Variants in MYH15 observed in about 807,000 individuals in gnomAD.
MYH15 encodes myosin-15.
MYH15 carries 227 observed loss-of-function variants against 240.5 expected under a neutral mutation model. The observed-to-expected ratio is 0.94, with a 90% CI of 0.85 to 1.05. MYH15 has a LOEUF of 1.05. Ranked by LOEUF, MYH15 falls within the 50% of genes least tolerant of loss-of-function variation. The pLI is 0.00. For synonymous variants in MYH15, 785 were observed against 796.7 expected (o/e 0.99, Z 0.25); for missense variants, 2,217 against 2,247.5 (o/e 0.99, Z 0.27).
intron 37 of MYH15, 39 bp from the exon 38 acceptor site, chr3:108,389,113 C>T: frequency 6.5e-7 from 1 of 1,544,156 alleles, no homozygotes; most frequent in Non-Finnish European, 8.9e-7. Context: ...ACGCTGCCAC[C>T]AAGTCTGGCA....
chr3:108,528,107 T>C (rs1240395719), intron 1 of MYH15, among the ~76,000 whole-genome samples: 1 of 152,168 alleles, frequency 6.6e-6, no homozygotes, highest in Admixed American at 6.6e-5. Flanking sequence ...CGCCTCTTAA[T>C]ACTGTAACAA....
At chr3:108,459,087 G>A (rs2083049235) in intron 18 of MYH15, among the ~76,000 whole-genome samples, 1 of 152,106 alleles carries the variant, frequency 6.6e-6, no homozygotes, top group Admixed American at 6.5e-5. Context: ...GCTCACTCAT[G>A]TTCAGCATAA....
At chr3:108,533,118 CTT>C (rs10561890), upstream of MYH15, among the ~76,000 whole-genome samples, 2,940 of 97,584 alleles carry the variant, frequency 0.03, 49 homozygotes, top group African/African-American at 0.083. Context: ...ACAATAAAAG[CTT>C]TTTTTTTTTT....
intron 1 of MYH15, among the ~76,000 whole-genome samples, chr3:108,518,967 T>C (rs1345360157): frequency 6.6e-6 from 1 of 152,158 alleles, no homozygotes; most frequent in Non-Finnish European, 1.5e-5. Context: ...AAGACTCTAG[T>C]TCTTTGGGTA....
chr3:108,423,382 A>C (rs1237993881), intron 27 of MYH15, among the ~76,000 whole-genome samples: 1 of 152,216 alleles, frequency 6.6e-6, no homozygotes, highest in African/African-American at 2.4e-5. Flanking sequence ...CAGCACACCC[A>C]AGCTTGGTAG....
At chr3:108,535,388 C>T in the MYH15 span, among the ~76,000 whole-genome samples, 1 of 152,104 alleles carries the variant, frequency 6.6e-6, no homozygotes, top group Non-Finnish European at 1.5e-5. Context: ...CTCACTGTGT[C>T]CTCATGTGGT....
At chr3:108,389,169 C>G in intron 37 of MYH15, 95 bp from the exon 38 acceptor site, 1 of 1,095,338 alleles carries the variant, frequency 9.1e-7, no homozygotes. Flanking sequence ...AGCAAAGTGT[C>G]AAGGGAACAT....
chr3:108,410,527 AG>A, intron 31 of MYH15, 55 bp downstream of exon 31: 1 of 1,302,508 alleles, frequency 7.7e-7, no homozygotes, highest in Non-Finnish European at 1.1e-6. Flanking sequence ...GCCTGTAGCC[AG>A]GGCTCTTCCT....
At chr3:108,463,003 A>C (rs1301999406) in intron 16 of MYH15, 108 bp downstream of exon 16, 1 of 1,295,906 alleles carries the variant, frequency 7.7e-7, no homozygotes, top group Non-Finnish European at 1.1e-6. Flanking sequence ...CTCAGACCAC[A>C]GGGAGCAGAA....
chr3:108,407,217 G>A (rs574466542), intron 32 of MYH15, among the ~76,000 whole-genome samples: 3 of 152,270 alleles, frequency 2.0e-5, no homozygotes, highest in African/African-American at 7.2e-5. Context: ...GAATCACAAC[G>A]GTGAGGTAAA....
At chr3:108,430,761 A>G (rs1229270675) in intron 26 of MYH15, 71 bp downstream of exon 26, 8 of 1,181,996 alleles carry the variant, frequency 6.8e-6, no homozygotes, top group Non-Finnish European at 9.9e-6. Flanking sequence ...GCAGAGAATT[A>G]GTCATTGAAC....
chr3:108,417,591 C>T (rs1456709), intron 28 of MYH15, among the ~76,000 whole-genome samples: 118,667 of 151,968 alleles, frequency 0.78, 47,216 homozygotes, highest in Non-Finnish European at 0.87. Context: ...GGAAATGTGA[C>T]GATGAGAGGG....
intron 38 of MYH15, among the ~76,000 whole-genome samples, chr3:108,385,801 G>A (rs975772473): frequency 4.8e-5 from 7 of 145,622 alleles, no homozygotes; most frequent in East Asian, 2.0e-4. Flanking sequence ...CCACCACCAC[G>A]AACCCACTCC....
intron 1 of MYH15, among the ~76,000 whole-genome samples, chr3:108,521,957 C>T (rs1000857777): frequency 6.6e-6 from 1 of 152,092 alleles, no homozygotes; most frequent in Non-Finnish European, 1.5e-5. Flanking sequence ...ATAAAGCAGA[C>T]AAAACAGTTT....
chr3:108,463,367 T>C, intron 15 of MYH15, 124 bp from the exon 16 acceptor site: 1 of 1,039,210 alleles, frequency 9.6e-7, no homozygotes. Context: ...CAGGCTAGAA[T>C]GCAGTGGCAT....
chr3:108,428,376 T>C, intron 27 of MYH15, 116 bp downstream of exon 27: 1 of 1,261,180 alleles, frequency 7.9e-7, no homozygotes, highest in East Asian at 2.3e-5. Flanking sequence ...ATAGTCTTCA[T>C]TAGAAAATAC....
At chr3:108,464,945 C>T (rs1413723906) in intron 14 of MYH15, 131 bp from the exon 15 acceptor site, 3 of 740,674 alleles carry the variant, frequency 4.1e-6, no homozygotes, top group African/African-American at 3.6e-5. Flanking sequence ...ATAAAACTAG[C>T]AATCATCCAT....
intron 2 of MYH15, among the ~76,000 whole-genome samples, chr3:108,502,675 T>C (rs1399872399): frequency 6.6e-6 from 1 of 152,162 alleles, no homozygotes; most frequent in Non-Finnish European, 1.5e-5. Context: ...CCTAACACCC[T>C]TTCTATAGCC....
In MYH15 at chr3:108,450,364, C is replaced by A. The variant is rs183798867; in HGVS notation, c.2399+3642G>T. On this transcript the variant is annotated intron_variant, in intron 21 of 40. Coordinates refer to ENST00000693548, the MANE Select transcript of MYH15 (RefSeq NM_014981.3). ...AAATATACAATGAAATATTATTCAA[C>A]CTTAAAAAAGAAAACATTGTCATTT... is the stretch of plus-strand genomic sequence containing the variant. Among the ~76,000 whole-genome samples, 3 of 152,126 alleles carry A rather than the reference C, an allele frequency of 2.0e-5. No homozygotes were observed. The East Asian group carries it at 5.8e-4, about 29-fold the overall frequency.
Sources: allele counts gnomAD v4.1 joint callset (sites outside exome capture counted in the v4.1 genomes callset), GRCh38; gene constraint gnomAD v4.1.1; transcripts MANE v1.5; gene names NCBI Gene and HGNC (gene_info 2026-07-23, HGNC 2026-07-21).